The following CSMD1 variants were observed in gnomAD, a reference collection of about 807,000 sequenced individuals.
CSMD1 encodes the protein CUB and Sushi multiple domains 1, also known as CUB and sushi domain-containing protein 1.
In CSMD1, 213 loss-of-function variants were observed where a neutral mutation model predicts 417.5. That is an observed-to-expected ratio of 0.51 (90% confidence interval 0.46 to 0.57). The LOEUF is 0.57. CSMD1 is among the 20% of genes least tolerant of loss of function. The pLI, the probability that CSMD1 is intolerant of heterozygous loss-of-function variation, is 0.00. For synonymous variants in CSMD1, 2,862 were observed against 1,736.8 expected, an observed-to-expected ratio of 1.65 and a Z score of -16.11; for missense variants, 6,923 against 4,529.7, an observed-to-expected ratio of 1.53 and a Z score of -15.17.
At chr8:3,260,744 C>T (rs1288040992) in intron 26 of CSMD1, among the ~76,000 whole-genome samples, 4 of 152,096 alleles carry the variant, frequency 2.6e-5, no homozygotes, top group Admixed American at 2.6e-4. Context: ...AGGCAAGGGG[C>T]TCTTCGACTT....
intron 26 of CSMD1, among the ~76,000 whole-genome samples, chr8:3,231,718 T>C (rs771261756): frequency 5.3e-5 from 8 of 152,188 alleles, no homozygotes; most frequent in Non-Finnish European, 1.2e-4. Flanking sequence ...TCCAATAGTG[T>C]CATATGATAC....
At chr8:4,112,600 T>C (rs932594118) in intron 3 of CSMD1, among the ~76,000 whole-genome samples, 2 of 152,122 alleles carry the variant, frequency 1.3e-5, no homozygotes, top group African/African-American at 4.8e-5. Context: ...TCTGTGCGTG[T>C]ATGAGGGCTG....
At chr8:4,354,763 AT>A (rs1286604616) in intron 3 of CSMD1, among the ~76,000 whole-genome samples, 1 of 151,930 alleles carries the variant, frequency 6.6e-6, no homozygotes, top group Non-Finnish European at 1.5e-5. Flanking sequence ...CCTTTTATAG[AT>A]TTCCCCCCTC....
intron 1 of CSMD1, among the ~76,000 whole-genome samples, chr8:4,964,513 A>AAAG (rs1809722225): frequency 6.6e-6 from 1 of 150,410 alleles, no homozygotes; most frequent in African/African-American, 2.4e-5. Context: ...AAAAAAAAAA[A>AAAG]AAAAAAAAAA....
chr8:4,105,795 G>A (rs1020333937), intron 3 of CSMD1, among the ~76,000 whole-genome samples: 1 of 152,202 alleles, frequency 6.6e-6, no homozygotes, highest in Admixed American at 6.5e-5. Flanking sequence ...GCGTTGAAAA[G>A]TGTCCTTTCC....
chr8:3,767,391 C>T (rs1283967157), intron 5 of CSMD1, among the ~76,000 whole-genome samples: 1 of 152,232 alleles, frequency 6.6e-6, no homozygotes, highest in African/African-American at 2.4e-5. Flanking sequence ...CAGGCCTTTA[C>T]TCAGCCCTCC....
chr8:4,607,103 T>A (rs919762176), intron 2 of CSMD1, among the ~76,000 whole-genome samples: 1 of 152,188 alleles, frequency 6.6e-6, no homozygotes, highest in Non-Finnish European at 1.5e-5. Context: ...TCAAGTAATA[T>A]TTATTGTGTT....
At chr8:3,966,186 A>T (rs1409082293) in intron 5 of CSMD1, among the ~76,000 whole-genome samples, 1 of 152,168 alleles carries the variant, frequency 6.6e-6, no homozygotes. Flanking sequence ...TGTCTAAGGT[A>T]CCACGGTATA....
chr8:4,261,450 C>T (rs980435033), intron 3 of CSMD1, among the ~76,000 whole-genome samples: 5 of 152,140 alleles, frequency 3.3e-5, no homozygotes, highest in Admixed American at 6.6e-5. Flanking sequence ...TTACAAACTT[C>T]CAGTTCGAAG....
chr8:3,874,343 T>TA (rs1339123498), intron 5 of CSMD1, among the ~76,000 whole-genome samples: 3 of 152,202 alleles, frequency 2.0e-5, no homozygotes, highest in Non-Finnish European at 4.4e-5. Context: ...AAGTGAGGTT[T>TA]TGAAAAATTG....
chr8:4,239,767 C>T (rs1283718659), intron 3 of CSMD1, among the ~76,000 whole-genome samples: 2 of 152,128 alleles, frequency 1.3e-5, no homozygotes, highest in East Asian at 3.9e-4. Context: ...TGACAATGGT[C>T]TATCTTTCAC....
chr8:3,586,237 G>A lies in CSMD1; in HGVS notation c.1121C>T (p.Ser374Leu), dbSNP rs762593887. 5 of 1,600,102 alleles carry A rather than the reference G, an allele frequency of 3.1e-6. No homozygotes were observed. The highest frequency in any genetic ancestry group is 4.3e-6 in the Non-Finnish European group (5 of 1,175,770). ...DFRVGANVQF[S>L]CEDNYVLQGS... ...CTGGAGCACGTAATTGTCCTCACAT[G>A]AAAACTGTACATTTGCACCAACCCT... The change falls in exon 9 of 70, where the codon TCA (serine) becomes TTA (leucine). Residue 374 changes from serine (S) to leucine (L), a missense_variant. Physicochemically the swap from Ser to Leu is moderately radical, Grantham distance 145 (BLOSUM62 -2). Coordinates refer to ENST00000635120, the MANE Select transcript of CSMD1 (RefSeq NM_033225.6).
At chr8:3,711,813 A>T (rs1253066922) in intron 6 of CSMD1, among the ~76,000 whole-genome samples, 1 of 152,220 alleles carries the variant, frequency 6.6e-6, no homozygotes, top group African/African-American at 2.4e-5. Context: ...AGATGAATGC[A>T]CAATAAATAA....
intron 26 of CSMD1, among the ~76,000 whole-genome samples, chr8:3,244,347 C>T (rs1273516540): frequency 6.6e-6 from 1 of 152,140 alleles, no homozygotes; most frequent in Non-Finnish European, 1.5e-5. Flanking sequence ...CTCCGGAGGT[C>T]CTCTTAGTTA....
At chr8:4,085,870 T>C (rs948203780) in intron 3 of CSMD1, among the ~76,000 whole-genome samples, 3 of 152,190 alleles carry the variant, frequency 2.0e-5, no homozygotes, top group Admixed American at 2.0e-4. Flanking sequence ...GTATCCGGGC[T>C]GTATTATTAT....
chr8:4,903,008 A>T (rs1395808659), intron 1 of CSMD1, among the ~76,000 whole-genome samples: 7 of 114,542 alleles, frequency 6.1e-5, no homozygotes, highest in African/African-American at 3.0e-4. Flanking sequence ...AATAATATTA[A>T]TAATAAATAA....
At chr8:4,651,495 C>T (rs758599482) in intron 1 of CSMD1, among the ~76,000 whole-genome samples, 19 of 152,004 alleles carry the variant, frequency 1.2e-4, no homozygotes, top group African/African-American at 4.1e-4. Context: ...CAAACACAAG[C>T]GGATCACAGA....
At chr8:3,384,701 T>C (rs1585085330) in intron 18 of CSMD1, among the ~76,000 whole-genome samples, 1 of 96,704 alleles carries the variant, frequency 1.0e-5, no homozygotes, top group East Asian at 2.3e-4. Flanking sequence ...TTATATAAAT[T>C]ATATATAAAT....
intron 3 of CSMD1, among the ~76,000 whole-genome samples, chr8:4,112,038 C>T (rs535829751): frequency 5.4e-4 from 82 of 151,586 alleles, no homozygotes; most frequent in African/African-American, 1.9e-3. Flanking sequence ...TAAAAATCTA[C>T]TTTATGTTAA....
Sources: allele counts gnomAD v4.1 joint callset (sites outside exome capture counted in the v4.1 genomes callset), GRCh38; gene constraint gnomAD v4.1.1; transcripts MANE v1.5; gene names NCBI Gene and HGNC (gene_info 2026-07-23, HGNC 2026-07-21).